The following PEX2 variants were observed in gnomAD, a reference collection of about 807,000 sequenced individuals.
PEX2 encodes peroxisomal biogenesis factor 2.
Under a neutral mutation model 25.2 loss-of-function variants are expected in PEX2, and 19 were observed. The observed-to-expected ratio is 0.75, with a 90% CI of 0.53 to 1.10. The LOEUF is 1.10. Ranked by LOEUF, PEX2 falls within the 50% of genes least tolerant of loss-of-function variation. The pLI is 0.00. For missense variants in PEX2, 347 were observed against 350.6 expected (o/e 0.99, Z 0.08); for synonymous variants, 141 against 127.7 (o/e 1.10, Z -0.70).
chr8:76,984,383 C>G (rs967392137), intron 3 of PEX2, among the ~76,000 whole-genome samples, 188 bp from the exon 4 acceptor site: 61 of 152,168 alleles, frequency 4.0e-4, no homozygotes, highest in African/African-American at 1.3e-3. Context: ...CTCTCAGAGC[C>G]TTTCTTTCTC....
Position 76,983,502 on chromosome 8 carries a change from G to GGAATACACCATGAAGA in PEX2, c.661_676dup (p.Pro226LeufsTer12), listed in dbSNP as rs1806900857. 1.2e-6 allele frequency: 2 copies of GGAATACACCATGAAGA among 1,614,018 alleles called. No individual in the cohort carries two copies. Among genetic ancestry groups the GGAATACACCATGAAGA allele is most frequent in the Non-Finnish European group, 1.7e-6 (2 of 1,179,956 alleles). On this transcript the variant is annotated frameshift_variant, in exon 4 of 4. Coordinates refer to ENST00000357039, the MANE Select transcript of PEX2 (RefSeq NM_000318.3). LOFTEE classifies it high-confidence loss of function. Reference sequence around the variant, plus strand: ...GTCACTATTAGGTGCACCAGTAAGAGGAATACACCATGAAGACAGCTTGGC... The same window carrying GGAATACACCATGAAGA: ...GTCACTATTAGGTGCACCAGTAAGAGGAATACACCATGAAGAGAATACACCATGAAGACAGCTTGGC...
intron 1 of PEX2, among the ~76,000 whole-genome samples, chr8:76,998,923 T>C (rs2132063572): frequency 1.3e-5 from 2 of 152,078 alleles, no homozygotes; most frequent in South Asian, 2.1e-4. Flanking sequence ...TTCAGTCTAC[T>C]AGTCTAGTAT....
In PEX2 at chr8:76,981,849, C is replaced by T. The variant is rs1806839071; in HGVS notation, c.*1412G>A. 6.6e-6 allele frequency: 1 copy of T among 152,172 alleles called. No homozygotes were observed. The highest frequency in any genetic ancestry group is 6.5e-5 in the Admixed American group (1 of 15,278). 9.4% of individuals were successfully genotyped at this position (152,172 alleles called of 1,614,324 possible). ...GCAAATTCTTAAGATGTAAAATACT[C>T]TTAACTCAAACTACAAAACTTCTTC... On this transcript the variant is annotated 3_prime_UTR_variant, in exon 4 of 4. Transcript: ENST00000357039.
At chr8:76,989,353 T>C (rs557322961) in intron 1 of PEX2, among the ~76,000 whole-genome samples, 2 of 152,304 alleles carry the variant, frequency 1.3e-5, no homozygotes, top group South Asian at 4.1e-4. Context: ...TCATCCACAA[T>C]GGTTAGAATC....
chr8:76,997,824 G>A (rs1177142173), intron 1 of PEX2, among the ~76,000 whole-genome samples: 2 of 152,170 alleles, frequency 1.3e-5, no homozygotes, highest in Non-Finnish European at 2.9e-5. Flanking sequence ...CACGGAGAAA[G>A]GCAGAGGACA....
chr8:76,993,312 T>G (rs1807228488), intron 1 of PEX2, among the ~76,000 whole-genome samples: 1 of 152,238 alleles, frequency 6.6e-6, no homozygotes, highest in South Asian at 2.1e-4. Context: ...ACTGCCGTTC[T>G]GGGAGACCAG....
Position 76,999,982 on chromosome 8 carries a change from A to T in PEX2, c.-160+8T>A. 6.6e-6 allele frequency: 3 copies of T among 456,680 alleles called. No homozygotes were observed. Among genetic ancestry groups the T allele is most frequent in the Non-Finnish European group, 8.8e-6 (2 of 226,944 alleles). The allele number at this position is 456,680 out of a possible 1,614,324, so 28.3% of individuals were successfully genotyped here. Reference sequence around the variant, plus strand: ...TTTGCACTCCGGCTCTCTAGGGCAGACACTGACCTTAGGAGTCTGCGAAAC... The same window carrying T: ...TTTGCACTCCGGCTCTCTAGGGCAGTCACTGACCTTAGGAGTCTGCGAAAC... On this transcript the variant is annotated splice_region_variant and intron_variant, in intron 1 of 3. Coordinates refer to ENST00000357039, the MANE Select transcript of PEX2 (RefSeq NM_000318.3).
rs77082172 is a variant in PEX2, at chr8:76,993,063, G to A, written c.-159-4725C>T. 7.4e-3 allele frequency among the ~76,000 whole-genome samples: 1,133 copies of A among 152,206 alleles called. 9 individuals are homozygous for A. The highest frequency in any genetic ancestry group is 0.026 in the African/African-American group (1,086 of 41,508). On this transcript the variant is annotated intron_variant, in intron 1 of 3. Transcript: ENST00000357039. ...CTACATCCTTGGTTATTTAACCCCC[G>A]TCAATGTGGCTGCATCTGTTATCTG...
At chr8:77,000,541 G>C (rs1807481645), upstream of PEX2, among the ~76,000 whole-genome samples, 1 of 152,224 alleles carries the variant, frequency 6.6e-6, no homozygotes, top group Admixed American at 6.5e-5. Context: ...GGATGGCCTG[G>C]TGGGGAGGGA....
chr8:76,997,307 T>G (rs1034029219), intron 1 of PEX2, among the ~76,000 whole-genome samples: 1 of 152,196 alleles, frequency 6.6e-6, no homozygotes, highest in African/African-American at 2.4e-5. Flanking sequence ...GCCAACTCAT[T>G]CATCTAACAC....
rs542254974 is a variant in PEX2, at chr8:76,993,859, T to G, written c.-159-5521A>C. The stretch of plus-strand genomic sequence containing the variant: ...AGGGGAGAGAGATATTTATTGGCTA[T>G]GCAAAGAGATATATAAAAATATGTA... On this transcript the variant is annotated intron_variant, in intron 1 of 3. Coordinates refer to ENST00000357039, the MANE Select transcript of PEX2 (RefSeq NM_000318.3). Among the ~76,000 whole-genome samples the G allele has an allele frequency of 1.2e-4, 18 of 152,322 alleles. No homozygotes were observed. In the East Asian group the frequency reaches 3.3e-3, roughly 28 times the overall value.
At chr8:76,994,849 T>A (rs368714048) in intron 1 of PEX2, among the ~76,000 whole-genome samples, 2 of 152,224 alleles carry the variant, frequency 1.3e-5, no homozygotes, top group African/African-American at 4.8e-5. Context: ...TTTCATATTA[T>A]GAGGTTATAT....
chr8:76,999,788 A>C (rs1276843972), intron 1 of PEX2: 1 of 453,932 alleles, frequency 2.2e-6, no homozygotes, highest in Non-Finnish European at 4.4e-6. Context: ...GATCCTAAAA[A>C]CATCTTTAGG....
chr8:76,982,346 AAG>A lies in PEX2; in HGVS notation c.*913_*914del, dbSNP rs759608289. 6.6e-6 allele frequency: 1 copy of A among 152,340 alleles called. No homozygotes were observed. Among genetic ancestry groups the A allele is most frequent in the South Asian group, 2.1e-4 (1 of 4,828 alleles). 9.4% of individuals were successfully genotyped at this position (152,340 alleles called of 1,614,324 possible). A position where few individuals can be genotyped will look rare whatever the true frequency, so the allele number is the denominator to read the frequency against. On this transcript the variant is annotated 3_prime_UTR_variant, in exon 4 of 4. Transcript: ENST00000357039. ...ACAGCTCTGAATCAAAGGCAAGAGA[AAG>A]AGACCTGTAAATAGTGCTGTTCATA...
At chr8:76,994,070 C>G (rs1478745407) in intron 1 of PEX2, among the ~76,000 whole-genome samples, 1 of 152,076 alleles carries the variant, frequency 6.6e-6, no homozygotes, top group African/African-American at 2.4e-5. Flanking sequence ...GTACTAAAAA[C>G]TATTAAAAGG....
At chr8:76,998,871 G>GT (rs1203672219) in intron 1 of PEX2, among the ~76,000 whole-genome samples, 1 of 151,960 alleles carries the variant, frequency 6.6e-6, no homozygotes, top group African/African-American at 2.4e-5. Context: ...GGCAACTAGA[G>GT]TCAGGACTAG....
intron 1 of PEX2, among the ~76,000 whole-genome samples, chr8:76,998,434 TAAAG>T (rs1390262945): frequency 2.0e-5 from 3 of 152,188 alleles, no homozygotes. Flanking sequence ...ATTCTGTTCA[TAAAG>T]AAAAACATTT....
At chr8:76,998,157 G>A (rs993212624) in intron 1 of PEX2, among the ~76,000 whole-genome samples, 2 of 152,142 alleles carry the variant, frequency 1.3e-5, no homozygotes, top group African/African-American at 4.8e-5. Flanking sequence ...TTGTGCTATT[G>A]GAACCTGAGA....
intron 1 of PEX2, among the ~76,000 whole-genome samples, chr8:76,995,794 A>C (rs1807308862): frequency 6.6e-6 from 1 of 152,278 alleles, no homozygotes; most frequent in East Asian, 1.9e-4. Context: ...TGTTGGAGCG[A>C]GTATTGGGGA....
Sources: allele counts gnomAD v4.1 joint callset (sites outside exome capture counted in the v4.1 genomes callset), GRCh38; gene constraint gnomAD v4.1.1; transcripts MANE v1.5; gene names NCBI Gene and HGNC (gene_info 2026-07-23, HGNC 2026-07-21).